LGR6: variants seen among roughly 807,000 people sequenced by gnomAD.
The protein encoded by LGR6 is leucine-rich repeat-containing G protein-coupled receptor 6.
Under a neutral mutation model 69.4 loss-of-function variants are expected in LGR6, and 45 were observed. The observed-to-expected ratio is 0.65, with a 90% CI of 0.51 to 0.83. The LOEUF (loss-of-function observed/expected upper bound fraction) is 0.83, where lower values mean the gene tolerates loss of function less well. Among genes scored for constraint, LGR6 ranks in the 40% least tolerant of loss-of-function variants. The pLI, the probability that LGR6 is intolerant of heterozygous loss-of-function variation, is 0.00. For missense variants in LGR6, 1,108 were observed against 1,246.7 expected (o/e 0.89, Z 1.68); for synonymous variants, 538 against 555.0 (o/e 0.97, Z 0.43).
At chr1:202,257,463 G>T (rs911908405) in intron 4 of LGR6, among the ~76,000 whole-genome samples, 2 of 152,148 alleles carry the variant, frequency 1.3e-5, no homozygotes, top group Non-Finnish European at 2.9e-5. Context: ...TTTTGAATAT[G>T]GTTCATACAT....
At chr1:202,215,427 C>G (rs1174170088) in intron 1 of LGR6, among the ~76,000 whole-genome samples, 3 of 152,080 alleles carry the variant, frequency 2.0e-5, no homozygotes, top group Non-Finnish European at 4.4e-5. Flanking sequence ...TATCTCAGTC[C>G]TTCTTTCTAA....
intron 6 of LGR6, among the ~76,000 whole-genome samples, chr1:202,284,587 G>A (rs1020663348): frequency 1.3e-5 from 2 of 152,190 alleles, no homozygotes; most frequent in Non-Finnish European, 2.9e-5. Flanking sequence ...AGAGCATGGT[G>A]AAGAACATTT....
At chr1:202,241,524 C>T (rs1662204000) in intron 4 of LGR6, among the ~76,000 whole-genome samples, 1 of 152,180 alleles carries the variant, frequency 6.6e-6, no homozygotes, top group Non-Finnish European at 1.5e-5. Flanking sequence ...CACCCTCCTC[C>T]TTGGATACAC....
At chr1:202,301,743 A>G (rs1438660831) in intron 9 of LGR6, among the ~76,000 whole-genome samples, 1 of 152,088 alleles carries the variant, frequency 6.6e-6, no homozygotes, top group Non-Finnish European at 1.5e-5. Context: ...GGGGCCAGGC[A>G]CAGAGGCTCA....
chr1:202,204,696 AACAC>A (rs775629857), intron 1 of LGR6, among the ~76,000 whole-genome samples: 13 of 3,858 alleles, frequency 3.4e-3, no homozygotes, highest in South Asian at 0.022. Flanking sequence ...CACACCCCCA[AACAC>A]ACACACACAC....
chr1:202,225,379 A>C (rs774101199), intron 1 of LGR6, 44 bp from the exon 2 acceptor site: 5 of 1,572,492 alleles, frequency 3.2e-6, no homozygotes, highest in Non-Finnish European at 2.6e-6. Context: ...CAGATGGCCC[A>C]AGTGGGGAGT....
At chr1:202,266,902 G>A (rs1424593110) in intron 4 of LGR6, among the ~76,000 whole-genome samples, 1 of 151,086 alleles carries the variant, frequency 6.6e-6, no homozygotes, top group Non-Finnish European at 1.5e-5. Flanking sequence ...TCTCTAACGC[G>A]CGCACACACA....
intron 5 of LGR6, 29 bp from the exon 6 acceptor site, chr1:202,280,752 A>T: frequency 6.2e-7 from 1 of 1,612,846 alleles, no homozygotes; most frequent in Non-Finnish European, 8.5e-7. Flanking sequence ...GTGGGCACCC[A>T]TTCTGATGCG....
chr1:202,219,526 G>A (rs769053406), intron 1 of LGR6, among the ~76,000 whole-genome samples: 4 of 152,214 alleles, frequency 2.6e-5, no homozygotes, highest in Admixed American at 2.0e-4. Context: ...ATTGGGTGCC[G>A]GCTTGGAACT....
chr1:202,304,855 C>T lies in LGR6; in HGVS notation c.1070+225C>T, dbSNP rs535269096. Reference sequence around the variant, plus strand: ...CTCACTCTTTAAAGTCTCTGAGCTTCGATATCCTCGTCTATAACATGGGAG... The same window carrying T: ...CTCACTCTTTAAAGTCTCTGAGCTTTGATATCCTCGTCTATAACATGGGAG... On this transcript the variant is annotated intron_variant, in intron 11 of 17. Transcript: ENST00000367278. Among the ~76,000 whole-genome samples the T allele has an allele frequency of 9.2e-5, 14 of 152,200 alleles. No homozygotes were observed. In the South Asian group the frequency reaches 1.2e-3, roughly 14 times the overall value.
intron 4 of LGR6, among the ~76,000 whole-genome samples, chr1:202,249,649 T>TG (rs1418784239): frequency 1.3e-5 from 2 of 152,232 alleles, no homozygotes; most frequent in African/African-American, 4.8e-5. Flanking sequence ...AATAACATCA[T>TG]TTAGTTCCCT....
chr1:202,281,824 A>G (rs1401262363), intron 6 of LGR6, among the ~76,000 whole-genome samples: 1 of 151,526 alleles, frequency 6.6e-6, no homozygotes, highest in African/African-American at 2.4e-5. Context: ...CAGGACATCA[A>G]TCCTGAGGTG....
chr1:202,198,671 T>C (rs1346768816), intron 1 of LGR6, among the ~76,000 whole-genome samples: 12 of 12,018 alleles, frequency 1.0e-3, no homozygotes, highest in Admixed American at 3.5e-3. Context: ...ATTTTAGGTT[T>C]TTTTTTTTTT....
At chr1:202,221,687 A>T (rs1463924023) in intron 1 of LGR6, among the ~76,000 whole-genome samples, 2 of 152,102 alleles carry the variant, frequency 1.3e-5, no homozygotes, top group Non-Finnish European at 2.9e-5. Flanking sequence ...TGACACACAC[A>T]TGCCCAGCAC....
At position 202,319,339 on chromosome 1, in the gene LGR6, G is replaced by A; in HGVS notation, c.*132G>A. The stretch of plus-strand genomic sequence containing the variant: ...CTATAGCAGGATGGCCCAGTCCCTG[G>A]CTCCACTGATCACCTCTCTCCTGTG... On this transcript the variant is annotated 3_prime_UTR_variant, in exon 18 of 18. Coordinates refer to ENST00000367278, the MANE Select transcript of LGR6 (RefSeq NM_001017403.2). 1.0e-6 allele frequency: 1 copy of A among 977,770 alleles called. No homozygotes were observed. The highest frequency in any genetic ancestry group is 1.5e-6 in the Non-Finnish European group (1 of 684,288). 60.6% of individuals were successfully genotyped at this position (977,770 alleles called of 1,614,324 possible). A position where few individuals can be genotyped will look rare whatever the true frequency, so the allele number is the denominator to read the frequency against.
chr1:202,240,375 GAA>G (rs1238580002), intron 4 of LGR6, among the ~76,000 whole-genome samples: 2 of 105,194 alleles, frequency 1.9e-5, no homozygotes, highest in African/African-American at 3.3e-5. Flanking sequence ...CTCCATCTCA[GAA>G]AAAAAAAAAA....
intron 1 of LGR6, chr1:202,194,714 C>CG: frequency 7.1e-5 from 6 of 84,014 alleles, no homozygotes; most frequent in South Asian, 9.3e-5. Context: ...GCGGGGGGGG[C>CG]GGGTTTCCTA....
chr1:202,284,081 A>G (rs939593585), intron 6 of LGR6, among the ~76,000 whole-genome samples: 8 of 152,176 alleles, frequency 5.3e-5, no homozygotes, highest in African/African-American at 1.7e-4. Context: ...GGGGATGGGC[A>G]CTGTTAAGAC....
intron 4 of LGR6, among the ~76,000 whole-genome samples, chr1:202,247,340 A>G (rs115577223): frequency 6.6e-6 from 1 of 152,174 alleles, no homozygotes; most frequent in African/African-American, 2.4e-5. Flanking sequence ...TTAGTATGCA[A>G]TTCAAAATTG....
Sources: gnomAD v4.1 joint callset for allele counts (sites outside exome capture counted in the v4.1 genomes callset) on GRCh38, gnomAD v4.1.1 for gene constraint, MANE v1.5 for transcripts, NCBI Gene and HGNC (gene_info 2026-07-23, HGNC 2026-07-21) for gene names.